CNKSR2: variants seen among roughly 807,000 people sequenced by gnomAD.
The protein encoded by CNKSR2 is connector enhancer of kinase suppressor of Ras 2.
Under a neutral mutation model 84.4 loss-of-function variants are expected in CNKSR2, and 14 were observed. The observed-to-expected ratio is 0.17, with a 90% confidence interval of 0.11 to 0.26. The LOEUF is 0.26. CNKSR2 is among the 10% of genes least tolerant of loss of function. The pLI is 1.00. For missense variants in CNKSR2, 485 were observed against 771.2 expected, an observed-to-expected ratio of 0.63 and a Z score of 4.40; for synonymous variants, 275 against 277.9, an observed-to-expected ratio of 0.99 and a Z score of 0.10.
At chrX:21,390,967 G>A (rs1163926117) in intron 1 of CNKSR2, among the ~76,000 whole-genome samples, 2 of 111,962 alleles carry the variant, frequency 1.8e-5, no homozygotes, top group Non-Finnish European at 1.9e-5. Context: ...ATGCAATTCT[G>A]AAACCCAGCA....
At chrX:21,454,200 A>G (rs1024041670) in intron 4 of CNKSR2, among the ~76,000 whole-genome samples, 1 of 111,844 alleles carries the variant, frequency 8.9e-6, no homozygotes, top group African/African-American at 3.2e-5. Flanking sequence ...CTCAAATACT[A>G]AAAGTCATAT....
At chrX:21,646,184 ATCCC>A (rs2092706440) in intron 20 of CNKSR2, among the ~76,000 whole-genome samples, 1 of 111,136 alleles carries the variant, frequency 9.0e-6, no homozygotes, top group African/African-American at 3.3e-5. Flanking sequence ...GAGCCACACT[ATCCC>A]ATTACTATAC....
At chrX:21,578,396 T>C (rs2092332630) in intron 13 of CNKSR2, among the ~76,000 whole-genome samples, 1 of 110,902 alleles carries the variant, frequency 9.0e-6, no homozygotes, top group Non-Finnish European at 1.9e-5. Context: ...AAGAAGAGAA[T>C]TGCCTTTTTT....
chrX:21,402,209 A>G (rs1000739195), intron 1 of CNKSR2, among the ~76,000 whole-genome samples: 1 of 110,515 alleles, frequency 9.0e-6, no homozygotes, highest in Non-Finnish European at 1.9e-5. Flanking sequence ...ACAACTCTAT[A>G]TTGTGTCATT....
In CNKSR2 at chrX:21,577,139, A is replaced by C. The variant is rs148101763; in HGVS notation, c.1609-13433A>C. Among the ~76,000 whole-genome samples the C allele has an allele frequency of 9.9e-3, 1,109 of 111,762 alleles. 10 individuals carry two copies. Among genetic ancestry groups the C allele is most frequent in the African/African-American group, 0.034 (1,036 of 30,825 alleles). ...CAATTTTTAAGTTTTAAAATTTGAA[A>C]ACTAAACAAACAAAAAGATTCACAA... On this transcript the variant is annotated intron_variant, in intron 13 of 21. Coordinates refer to ENST00000379510, the MANE Select transcript of CNKSR2 (RefSeq NM_014927.5).
chrX:21,470,448 TTAGA>T (rs1481631565), intron 4 of CNKSR2, among the ~76,000 whole-genome samples: 4 of 111,302 alleles, frequency 3.6e-5, no homozygotes, highest in African/African-American at 6.5e-5. Flanking sequence ...GTGTAAAAGC[TTAGA>T]TAGAAAATGG....
chrX:21,641,969 T>A (rs1223811382), intron 20 of CNKSR2: 1 of 763,485 alleles, frequency 1.3e-6, no homozygotes, highest in East Asian at 1.4e-4. Flanking sequence ...CTCAGTTGTG[T>A]TCTCCTGACA....
intron 7 of CNKSR2, among the ~76,000 whole-genome samples, chrX:21,500,320 T>C (rs899148237): frequency 9.0e-6 from 1 of 111,355 alleles, no homozygotes; most frequent in African/African-American, 3.2e-5. Context: ...GACTTCTATG[T>C]TTTAAAAATA....
intron 4 of CNKSR2, among the ~76,000 whole-genome samples, chrX:21,448,846 A>G (rs934204759): frequency 1.2e-4 from 14 of 112,061 alleles, no homozygotes; most frequent in Non-Finnish European, 1.9e-4. Context: ...CAGAATGACC[A>G]CCAACATCAG....
chrX:21,509,537 C>G (rs764461646), intron 8 of CNKSR2, among the ~76,000 whole-genome samples: 1 of 111,633 alleles, frequency 9.0e-6, no homozygotes, highest in Non-Finnish European at 1.9e-5. Flanking sequence ...TTAAGTTACT[C>G]TAAGCTAGGG....
At position 21,653,311 on chromosome X, in the gene CNKSR2, A is replaced by G. The variant is rs2147350538; in HGVS notation, c.*790A>G. ...TGTGTACAGAAGAATTTGAGAGGGG[A>G]TTTTTAAAAACTGACTTAACACACC... is the stretch of plus-strand genomic sequence containing the variant. On this transcript the variant is annotated 3_prime_UTR_variant, in exon 22 of 22. Coordinates refer to ENST00000379510, the MANE Select transcript of CNKSR2 (RefSeq NM_014927.5). The G allele has an allele frequency of 9.1e-6, 1 of 110,334 alleles. No homozygotes were observed. The highest frequency in any genetic ancestry group is 3.8e-4 in the South Asian group (1 of 2,604). 9.1% of individuals were successfully genotyped at this position (110,334 alleles called of 1,213,427 possible).
At chrX:21,433,848 A>G (rs1197870365) in intron 3 of CNKSR2, among the ~76,000 whole-genome samples, 1 of 110,905 alleles carries the variant, frequency 9.0e-6, no homozygotes, top group Non-Finnish European at 1.9e-5. Context: ...GATGATACTA[A>G]ATCCAAATAT....
At chrX:21,400,862 T>A (rs1162605270) in intron 1 of CNKSR2, among the ~76,000 whole-genome samples, 1 of 111,553 alleles carries the variant, frequency 9.0e-6, no homozygotes, top group Admixed American at 9.6e-5. Context: ...CAAACTTGCC[T>A]AAATTTAGAG....
intron 1 of CNKSR2, among the ~76,000 whole-genome samples, chrX:21,381,351 T>A (rs1358224255): frequency 9.0e-6 from 1 of 111,506 alleles, no homozygotes; most frequent in Non-Finnish European, 1.9e-5. Context: ...GATGCATCAG[T>A]GGAAAAGTTG....
chrX:21,514,623 A>G, intron 8 of CNKSR2, among the ~76,000 whole-genome samples: 1 of 111,786 alleles, frequency 8.9e-6, no homozygotes. Flanking sequence ...TAATAAGTAA[A>G]ATGAAAAGAA....
At chrX:21,486,064 G>A (rs2091381211) in intron 5 of CNKSR2, among the ~76,000 whole-genome samples, 2 of 111,583 alleles carry the variant, frequency 1.8e-5, no homozygotes, top group Non-Finnish European at 3.8e-5. Context: ...CCCGGGAGGC[G>A]GAGGTTGCAG....
At chrX:21,420,060 T>C (rs1458958673) in intron 1 of CNKSR2, among the ~76,000 whole-genome samples, 1 of 112,050 alleles carries the variant, frequency 8.9e-6, no homozygotes, top group Non-Finnish European at 1.9e-5. Flanking sequence ...ACCTTAGAAG[T>C]GCACCTGGTG....
intron 1 of CNKSR2, among the ~76,000 whole-genome samples, chrX:21,417,379 C>T (rs900816582): frequency 9.0e-6 from 1 of 111,660 alleles, no homozygotes. Context: ...GAAAAGAATG[C>T]GTATTCTGCA....
chrX:21,566,064 C>T lies in CNKSR2; in HGVS notation c.1608+2612C>T, dbSNP rs1372258006. ...TTGTGCATGGTACACATTCCATATA[C>T]AGAGGAATTTGTGCTTTAATGAATA... On this transcript the variant is annotated intron_variant, in intron 13 of 21. Transcript: ENST00000379510. 8.2e-5 allele frequency among the ~76,000 whole-genome samples: 9 copies of T among 109,854 alleles called. No individual in the cohort carries two copies. The Admixed American group carries it at 8.6e-4, about 11-fold the overall frequency.
Sources: gnomAD v4.1 joint callset for allele counts (sites outside exome capture counted in the v4.1 genomes callset) on GRCh38, gnomAD v4.1.1 for gene constraint, MANE v1.5 for transcripts, NCBI Gene and HGNC (gene_info 2026-07-23, HGNC 2026-07-21) for gene names.